Variants in CACNB4 observed in about 807,000 individuals in gnomAD.
CACNB4 encodes the protein calcium voltage-gated channel auxiliary subunit beta 4, also known as voltage-dependent L-type calcium channel subunit beta-4.
CACNB4 carries 32 observed loss-of-function variants against 71.2 expected under a neutral mutation model. That is an observed-to-expected ratio of 0.45 (90% CI 0.34 to 0.60). The LOEUF is 0.60. Among genes scored for constraint, CACNB4 ranks in the 20% least tolerant of loss-of-function variants. CACNB4 has a pLI of 0.01. For synonymous variants in CACNB4, 231 were observed against 236.9 expected, an observed-to-expected ratio of 0.97 and a Z score of 0.23; for missense variants, 464 against 647.9, an observed-to-expected ratio of 0.72 and a Z score of 3.08.
At chr2:151,967,816 G>T (rs554310913) in intron 2 of CACNB4, 1 of 151,364 alleles carries the variant, frequency 6.6e-6, no homozygotes, top group South Asian at 2.1e-4. Flanking sequence ...TTAAATATAA[G>T]ACTTTTCAAT....
chr2:151,947,692 T>A (rs541525583), intron 2 of CACNB4, among the ~76,000 whole-genome samples: 1 of 152,284 alleles, frequency 6.6e-6, no homozygotes, highest in African/African-American at 2.4e-5. Context: ...GCAAGGCTTC[T>A]ATTTGGGAAT....
chr2:151,887,922 G>A (rs1473492960), intron 2 of CACNB4, among the ~76,000 whole-genome samples: 1 of 152,100 alleles, frequency 6.6e-6, no homozygotes, highest in African/African-American at 2.4e-5. Context: ...GGCTGCCCTA[G>A]AGTTTTAGGA....
At chr2:151,950,087 T>A (rs1285371031) in intron 2 of CACNB4, among the ~76,000 whole-genome samples, 1 of 151,746 alleles carries the variant, frequency 6.6e-6, no homozygotes, top group African/African-American at 2.4e-5. Context: ...AATAGTCTTC[T>A]GAGAGGAAAC....
chr2:152,098,577 C>T lies in CACNB4; in HGVS notation c.64-164G>A. ...CTCCCAAATACAGCCCCCACCCCCA[C>T]CCACCCACTGCAAGCCTCGACTGCT... On this transcript the variant is annotated intron_variant, in intron 1 of 13. Transcript: ENST00000539935. The surrounding 1 kb of genome is among the most constrained non-coding windows in gnomAD (Gnocchi z 5.3). The T allele has an allele frequency of 2.2e-6, 2 of 928,220 alleles. No homozygotes were observed. Among genetic ancestry groups the T allele is most frequent in the Non-Finnish European group, 3.5e-6 (2 of 577,348 alleles). The allele number at this position is 928,220 out of a possible 1,614,324, so 57.5% of individuals were successfully genotyped here. A position where few individuals can be genotyped will look rare whatever the true frequency, so the allele number is the denominator to read the frequency against.
chr2:151,953,016 G>A (rs540038145), intron 2 of CACNB4, among the ~76,000 whole-genome samples: 11 of 152,284 alleles, frequency 7.2e-5, no homozygotes, highest in East Asian at 1.9e-4. Context: ...ATATGTTTAC[G>A]GAGAGGAAAC....
chr2:151,977,754 G>A (rs1321034516), intron 2 of CACNB4, among the ~76,000 whole-genome samples: 8 of 152,222 alleles, frequency 5.3e-5, no homozygotes, highest in Non-Finnish European at 1.2e-4. Context: ...CAAAGCCAGT[G>A]TAGTTATGCG....
At chr2:152,005,164 T>C (rs758154385) in intron 2 of CACNB4, among the ~76,000 whole-genome samples, 5 of 152,176 alleles carry the variant, frequency 3.3e-5, no homozygotes, top group Admixed American at 2.0e-4. Flanking sequence ...AGCAGTTCCA[T>C]TACTGGGTAT....
At chr2:152,076,520 T>C (rs551663508) in intron 2 of CACNB4, among the ~76,000 whole-genome samples, 79 of 152,206 alleles carry the variant, frequency 5.2e-4, no homozygotes, top group African/African-American at 1.9e-3. Flanking sequence ...CTCGAAACTA[T>C]GGGTCCATGG....
chr2:151,896,282 C>T (rs1272099123), intron 2 of CACNB4, among the ~76,000 whole-genome samples: 2 of 152,138 alleles, frequency 1.3e-5, no homozygotes, highest in Admixed American at 6.5e-5. Context: ...GGTGATATCG[C>T]CTTGTGCAGT....
In CACNB4 at chr2:151,952,986, T is replaced by G. The variant is rs536385601; in HGVS notation, c.148-69616A>C. Among the ~76,000 whole-genome samples, 65 of 152,268 alleles carry G rather than the reference T, an allele frequency of 4.3e-4. 1 individual carries two copies. Among genetic ancestry groups the G allele is most frequent in the Non-Finnish European group, 8.5e-4 (58 of 68,020 alleles). ...TAGATGAATAAGTCAGAATGACTTG[T>G]GGAGAAAAGAAGACTGGGTATATGT... is the stretch of plus-strand genomic sequence containing the variant. On this transcript the variant is annotated intron_variant, in intron 2 of 13. Coordinates refer to ENST00000539935, the MANE Select transcript of CACNB4 (RefSeq NM_000726.5).
At chr2:151,872,380 T>A in intron 6 of CACNB4, 37 bp downstream of exon 6, 1 of 1,179,860 alleles carries the variant, frequency 8.5e-7, no homozygotes, top group Non-Finnish European at 1.3e-6. Context: ...TTAAAAGGAA[T>A]ACAGTGTATG....
At position 152,093,400 on chromosome 2, in the gene CACNB4, G is replaced by GGTGTGTGT. The variant is rs34845177; in HGVS notation, c.147+4922_147+4929dup. Among the ~76,000 whole-genome samples the GGTGTGTGT allele has an allele frequency of 3.6e-3, 534 of 146,604 alleles. 7 individuals are homozygous for GGTGTGTGT. Among genetic ancestry groups the GGTGTGTGT allele is most frequent in the South Asian group, 0.03 (135 of 4,554 alleles). ...CACTGAATTTGACTTGCTGTTTTTT[G>GGTGTGTGT]GTGTGTGTGTGTGTGTGTGTGTGTG... On this transcript the variant is annotated intron_variant, in intron 2 of 13. Coordinates refer to ENST00000539935, the MANE Select transcript of CACNB4 (RefSeq NM_000726.5).
At chr2:151,870,665 A>G (rs149042800) in intron 7 of CACNB4, 54 bp from the exon 8 acceptor site, 4 of 1,385,460 alleles carry the variant, frequency 2.9e-6, no homozygotes, top group Non-Finnish European at 4.1e-6. Context: ...ATGCCTCTCC[A>G]CAGCCACAAC....
intron 2 of CACNB4, among the ~76,000 whole-genome samples, chr2:152,059,283 C>T (rs1338305424): frequency 6.6e-6 from 1 of 152,228 alleles, no homozygotes; most frequent in Non-Finnish European, 1.5e-5. Flanking sequence ...ACAGCCTGCA[C>T]TGTGTGTGTG....
intron 2 of CACNB4, among the ~76,000 whole-genome samples, chr2:152,005,441 G>A (rs999110549): frequency 2.0e-5 from 3 of 152,172 alleles, no homozygotes; most frequent in African/African-American, 7.2e-5. Flanking sequence ...AGAACTGAAT[G>A]TTCTCACTTA....
chr2:151,991,429 GTCC>G (rs1402327172), intron 2 of CACNB4, among the ~76,000 whole-genome samples: 1 of 152,202 alleles, frequency 6.6e-6, no homozygotes, highest in African/African-American at 2.4e-5. Context: ...TCTAACCTGA[GTCC>G]TCCTCTCACC....
intron 9 of CACNB4, among the ~76,000 whole-genome samples, chr2:151,862,237 A>G (rs1057128235): frequency 3.9e-5 from 6 of 152,208 alleles, no homozygotes; most frequent in Non-Finnish European, 7.4e-5. Context: ...TGGGGACAAC[A>G]CTGCCAGCTA....
intron 2 of CACNB4, among the ~76,000 whole-genome samples, chr2:152,020,534 A>T (rs1357417243): frequency 1.3e-5 from 2 of 152,248 alleles, no homozygotes; most frequent in Non-Finnish European, 2.9e-5. Context: ...ATAAAGAAAG[A>T]AAAGAAAGAT....
At chr2:151,951,662 G>A (rs1354976587) in intron 2 of CACNB4, among the ~76,000 whole-genome samples, 2 of 152,232 alleles carry the variant, frequency 1.3e-5, no homozygotes, top group African/African-American at 2.4e-5. Flanking sequence ...CACAGAGGCC[G>A]GCCCACAGGC....
Sources: gnomAD v4.1 joint callset for allele counts (sites outside exome capture counted in the v4.1 genomes callset) on GRCh38, gnomAD v4.1.1 for gene constraint, Gnocchi (gnomAD v3.1) non-coding constraint, MANE v1.5 for transcripts, NCBI Gene and HGNC (gene_info 2026-07-23, HGNC 2026-07-21) for gene names.